The following CSMD3 variants were observed in gnomAD, a reference collection of about 807,000 sequenced individuals.
CSMD3 encodes CUB and Sushi multiple domains 3.
Under a neutral mutation model 435.2 loss-of-function variants are expected in CSMD3, and 177 were observed. The ratio of observed to expected loss-of-function variants is 0.41; its 90% CI spans 0.36 to 0.46. The LOEUF (loss-of-function observed/expected upper bound fraction) is 0.46, where lower values mean the gene tolerates loss of function less well. Among genes scored for constraint, CSMD3 ranks in the 20% least tolerant of loss-of-function variants. CSMD3 has a pLI of 0.34. For synonymous variants in CSMD3, 1,656 were observed against 1,520.5 expected, an observed-to-expected ratio of 1.09 and a Z score of -2.07; for missense variants, 4,265 against 4,504.6, an observed-to-expected ratio of 0.95 and a Z score of 1.52.
intron 5 of CSMD3, among the ~76,000 whole-genome samples, chr8:113,082,664 G>C (rs950257507): frequency 1.3e-5 from 2 of 151,986 alleles, no homozygotes; most frequent in South Asian, 2.1e-4. Context: ...TAATTTTAAG[G>C]AAACTCAGTG....
intron 13 of CSMD3, among the ~76,000 whole-genome samples, chr8:112,743,829 T>C (rs1174879828): frequency 6.6e-6 from 1 of 152,022 alleles, no homozygotes; most frequent in African/African-American, 2.4e-5. Flanking sequence ...CAATTTTGCA[T>C]ACCTCATGGA....
intron 17 of CSMD3, among the ~76,000 whole-genome samples, chr8:112,663,755 A>G (rs895713360): frequency 4.6e-5 from 7 of 152,106 alleles, no homozygotes; most frequent in Admixed American, 3.9e-4. Flanking sequence ...TCAATCTTAA[A>G]TGACTCTGGA....
rs371472675 is a variant in CSMD3, at chr8:112,311,073, T to G, written c.7790A>C (p.Asp2597Ala). ...TTTTCCAACAAGTCGGAATCCTCGA[T>G]CACAGGCCCAACGGACCACACTGTT... Reference protein sequence around the residue: ...QLNSVVRWACDRGFRLVGKSS... With the variant: ...QLNSVVRWACARGFRLVGKSS... The change falls in exon 50 of 71, where the codon GAT (aspartate) becomes GCT (alanine). Residue 2597 changes from aspartate (D) to alanine (A), a missense_variant. Physicochemically the swap from Asp to Ala is moderately radical, Grantham distance 126. Transcript: ENST00000297405. The G allele has an allele frequency of 6.2e-7, 1 of 1,614,090 alleles. No individual in the cohort carries two copies. Among genetic ancestry groups the G allele is most frequent in the African/African-American group, 1.3e-5 (1 of 75,030 alleles).
At chr8:113,248,530 G>GTATATACATATATATA (rs2093302695) in intron 3 of CSMD3, among the ~76,000 whole-genome samples, 1 of 117,212 alleles carries the variant, frequency 8.5e-6, no homozygotes, top group Admixed American at 8.3e-5. Context: ...ATATATATAT[G>GTATATACATATATATA]TATATACATA....
intron 3 of CSMD3, among the ~76,000 whole-genome samples, chr8:113,269,714 A>G (rs1188233710): frequency 2.0e-5 from 3 of 152,200 alleles, no homozygotes; most frequent in Admixed American, 6.5e-5. Context: ...AAATGGGGAA[A>G]GGATTCCCTA....
At chr8:112,792,175 T>C (rs2078707668) in intron 13 of CSMD3, among the ~76,000 whole-genome samples, 2 of 152,188 alleles carry the variant, frequency 1.3e-5, no homozygotes, top group Admixed American at 6.6e-5. Context: ...ATCAAATACT[T>C]TTAATTTTGA....
chr8:113,270,858 G>C (rs1162449425), intron 3 of CSMD3, among the ~76,000 whole-genome samples: 1 of 152,052 alleles, frequency 6.6e-6, no homozygotes, highest in Non-Finnish European at 1.5e-5. Flanking sequence ...ATAGCATTAA[G>C]AGATATACCT....
In CSMD3 at chr8:112,255,369, A is replaced by C; in HGVS notation, c.9921T>G (p.Phe3307Leu). The change falls in exon 62 of 71, where the codon TTT (phenylalanine) becomes TTG (leucine). Residue 3307 changes from phenylalanine (F) to leucine (L), a missense_variant. This residue lies in a region of CSMD3 where 3,255 missense variants were observed against 3,380.2 expected (regional missense o/e 0.96). Transcript: ENST00000297405. Reference protein sequence around the residue: ...PAQGKREGKSFIYQSEVSFSC... With the variant: ...PAQGKREGKSLIYQSEVSFSC... Reference sequence around the variant, plus strand: ...TGAATGAAACCTCTGACTGGTATATAAAGCTTTTGCCTTCTCTTTTTCCTT... The same window carrying C: ...TGAATGAAACCTCTGACTGGTATATCAAGCTTTTGCCTTCTCTTTTTCCTT... 1 of 1,613,754 alleles carries C rather than the reference A, an allele frequency of 6.2e-7. No individual in the cohort carries two copies. The highest frequency in any genetic ancestry group is 1.1e-5 in the South Asian group (1 of 91,076).
chr8:113,174,391 T>C (rs1168513710), intron 3 of CSMD3, among the ~76,000 whole-genome samples: 2 of 151,942 alleles, frequency 1.3e-5, no homozygotes, highest in East Asian at 3.9e-4. Context: ...TACAGTGGAG[T>C]AGTAAATGGA....
intron 32 of CSMD3, 37 bp from the exon 33 acceptor site, chr8:112,409,069 C>G (rs776354507): frequency 8.7e-6 from 14 of 1,612,392 alleles, no homozygotes; most frequent in Non-Finnish European, 1.1e-5. Flanking sequence ...AACAAATCAC[C>G]AACCATCCAA....
At chr8:113,146,471 T>C (rs1420818854) in intron 4 of CSMD3, among the ~76,000 whole-genome samples, 1 of 151,584 alleles carries the variant, frequency 6.6e-6, no homozygotes, top group African/African-American at 2.4e-5. Flanking sequence ...GAATACACTT[T>C]TAAAAGCCTA....
rs774358854 is a variant in CSMD3 at position 112,556,808 on chromosome 8, T to C, written c.4189A>G (p.Thr1397Ala). ...TAGTCCCATGCCCTTCTCTCCCCTGTCATGCACTTGAGAAGGCTACTTCCG... is the reference window on the plus strand; with the variant it reads ...TAGTCCCATGCCCTTCTCTCCCCTGCCATGCACTTGAGAAGGCTACTTCCG... The part of the protein sequence containing the change: ...LHGSSLLKCM[T>A]GERRAWDYPL... Residue 1397 changes from threonine (T) to alanine (A), a missense_variant, in exon 25 of 71, where the codon ACA (threonine) becomes GCA (alanine). Thr to Ala is a moderately conservative substitution (Grantham distance 58). This residue lies in a region of CSMD3 where 3,255 missense variants were observed against 3,380.2 expected (regional missense o/e 0.96). Transcript: ENST00000297405. The C allele has an allele frequency of 2.5e-6, 4 of 1,612,588 alleles. No homozygotes were observed. In the Admixed American group the frequency reaches 6.7e-5, roughly 27 times the overall value.
At chr8:112,282,748 C>T (rs941982228) in intron 58 of CSMD3, among the ~76,000 whole-genome samples, 2 of 151,974 alleles carry the variant, frequency 1.3e-5, no homozygotes, top group African/African-American at 2.4e-5. Flanking sequence ...AAGGTAAGTG[C>T]GTCATCTATC....
chr8:112,700,702 A>G (rs544089788), intron 13 of CSMD3, among the ~76,000 whole-genome samples: 131 of 152,198 alleles, frequency 8.6e-4, no homozygotes, highest in African/African-American at 3.1e-3. Context: ...AACCATGGTA[A>G]CAGTTGCCGT....
At chr8:112,851,594 T>C (rs1241976757) in intron 11 of CSMD3, among the ~76,000 whole-genome samples, 1 of 152,016 alleles carries the variant, frequency 6.6e-6, no homozygotes, top group Non-Finnish European at 1.5e-5. Context: ...TGAATCCCCA[T>C]CTCTACTAAA....
intron 17 of CSMD3, among the ~76,000 whole-genome samples, chr8:112,663,916 GA>G (rs1469105390): frequency 6.6e-6 from 1 of 152,100 alleles, no homozygotes; most frequent in East Asian, 1.9e-4. Flanking sequence ...TTTAAGTCCA[GA>G]AGTGAACAAA....
At chr8:112,499,345 G>A (rs1821699227) in intron 30 of CSMD3, among the ~76,000 whole-genome samples, 2 of 151,980 alleles carry the variant, frequency 1.3e-5, no homozygotes, top group African/African-American at 2.4e-5. Context: ...TAAGAAAAAT[G>A]GCAAATTAAG....
At chr8:113,318,296 G>C (rs1357282013) in intron 1 of CSMD3, among the ~76,000 whole-genome samples, 1 of 151,972 alleles carries the variant, frequency 6.6e-6, no homozygotes, top group Admixed American at 6.6e-5. Context: ...TTTCATTTTT[G>C]CTTTTTAAGA....
intron 32 of CSMD3, among the ~76,000 whole-genome samples, chr8:112,433,520 G>T (rs2130422843): frequency 6.6e-6 from 1 of 151,750 alleles, no homozygotes. Flanking sequence ...TAGCTGATAT[G>T]GTGACGCATG....
Sources: gnomAD v4.1 joint callset for allele counts (sites outside exome capture counted in the v4.1 genomes callset) on GRCh38, gnomAD v4.1.1 for gene constraint, gnomAD v4.1.1 regional missense constraint, MANE v1.5 for transcripts, NCBI Gene and HGNC (gene_info 2026-07-23, HGNC 2026-07-21) for gene names.